The following FBXL18 variants were observed in gnomAD, a reference collection of about 807,000 sequenced individuals.
FBXL18 encodes F-box and leucine rich repeat protein 18, also known as F-box/LRR-repeat protein 18.
FBXL18 carries 36 observed loss-of-function variants against 46.0 expected under a neutral mutation model. That is an observed-to-expected ratio of 0.78 (90% confidence interval 0.60 to 1.03). The LOEUF is 1.03. Among genes scored for constraint, FBXL18 ranks in the 50% least tolerant of loss-of-function variants. FBXL18 has a pLI of 0.00. For synonymous variants in FBXL18, 557 were observed against 465.3 expected (o/e 1.20, Z -2.54); for missense variants, 977 against 1,004.1 (o/e 0.97, Z 0.36).
At chr7:5,456,584 G>A (rs1783177465) in intron 4 of FBXL18, among the ~76,000 whole-genome samples, 1 of 151,164 alleles carries the variant, frequency 6.6e-6, no homozygotes. Context: ...CAGGCAGAGG[G>A]AACAGCTTGT....
intron 4 of FBXL18, among the ~76,000 whole-genome samples, chr7:5,485,443 G>A (rs925185284): frequency 2.0e-5 from 3 of 152,176 alleles, no homozygotes; most frequent in Admixed American, 6.6e-5. Context: ...ACACTCATTG[G>A]CGAGATGTGC....
At chr7:5,513,605 G>T (rs1397551054) in intron 1 of FBXL18, 52 bp downstream of exon 1, 11 of 1,604,678 alleles carry the variant, frequency 6.9e-6, no homozygotes, top group Non-Finnish European at 9.4e-6. Flanking sequence ...AGAACCCAGG[G>T]AGACCGAGGC....
intron 4 of FBXL18, among the ~76,000 whole-genome samples, chr7:5,488,312 C>G (rs556556015): frequency 6.6e-6 from 1 of 152,160 alleles, no homozygotes; most frequent in African/African-American, 2.4e-5. Context: ...CACGTCCAAC[C>G]GACCCGCCTG....
At chr7:5,486,121 G>A (rs183364449) in intron 4 of FBXL18, among the ~76,000 whole-genome samples, 3 of 151,300 alleles carry the variant, frequency 2.0e-5, no homozygotes, top group Admixed American at 1.3e-4. Flanking sequence ...GGGCGTGCTG[G>A]CGCATGCCTG....
intron 1 of FBXL18, among the ~76,000 whole-genome samples, chr7:5,507,489 G>A (rs1347490807): frequency 6.6e-6 from 1 of 152,140 alleles, no homozygotes; most frequent in Non-Finnish European, 1.5e-5. Flanking sequence ...TGAGGCTCAT[G>A]AGGGTCAGAG....
At chr7:5,502,180 T>C (rs1584237320) in intron 2 of FBXL18, 149 bp from the exon 3 acceptor site, 1 of 638,430 alleles carries the variant, frequency 1.6e-6, no homozygotes, top group East Asian at 2.7e-5. Context: ...GCCCGCACTC[T>C]GACCTGGAGC....
downstream of FBXL18, among the ~76,000 whole-genome samples, chr7:5,475,153 T>A (rs1410264012): frequency 2.6e-5 from 4 of 151,252 alleles, no homozygotes; most frequent in Non-Finnish European, 5.9e-5. This position sits in a 1 kb window ranked among gnomAD's most constrained non-coding sequence, Gnocchi z 4.2. Context: ...ACCCCGTCTC[T>A]ACTGAAAATA....
chr7:5,489,138 C>A, intron 4 of FBXL18: 1 of 415,000 alleles, frequency 2.4e-6, no homozygotes, highest in Admixed American at 2.8e-5. Context: ...TGAACCAGGG[C>A]GGACCACGAC....
chr7:5,489,426 G>C (rs1465180530), intron 4 of FBXL18: 4 of 456,142 alleles, frequency 8.8e-6, no homozygotes, highest in African/African-American at 2.0e-5. Flanking sequence ...CCTGAGGTCA[G>C]GAGTTAGAGA....
intron 3 of FBXL18, among the ~76,000 whole-genome samples, chr7:5,495,392 G>A (rs1364634176): frequency 6.6e-6 from 1 of 152,236 alleles, no homozygotes; most frequent in Admixed American, 6.5e-5. Context: ...AGCAGCCCGG[G>A]TGACTCAGGG....
At position 5,490,741 on chromosome 7, in the gene FBXL18, G is replaced by A. The variant is rs561544189; in HGVS notation, c.2000+490C>T. Reference sequence around the variant, plus strand: ...GCACTTTGGGAGGCCGAGGCAGGCGGATCACCTGAGGTCGGGAGTTCGAGA... The same window carrying A: ...GCACTTTGGGAGGCCGAGGCAGGCGAATCACCTGAGGTCGGGAGTTCGAGA... On this transcript the variant is annotated intron_variant, in intron 4 of 4. Coordinates refer to ENST00000382368, the MANE Select transcript of FBXL18 (RefSeq NM_024963.6). Among the ~76,000 whole-genome samples the A allele has an allele frequency of 5.1e-4, 78 of 152,312 alleles. No individual in the cohort carries two copies. In the East Asian group the frequency reaches 9.6e-3, roughly 19 times the overall value.
chr7:5,511,830 C>G (rs759339855), intron 1 of FBXL18, among the ~76,000 whole-genome samples: 3 of 151,240 alleles, frequency 2.0e-5, no homozygotes, highest in Non-Finnish European at 4.4e-5. Context: ...ACCTAGAACC[C>G]TAACCTGGGC....
intron 1 of FBXL18, among the ~76,000 whole-genome samples, chr7:5,512,812 C>T (rs1165056803): frequency 6.6e-6 from 1 of 152,136 alleles, no homozygotes; most frequent in Non-Finnish European, 1.5e-5. Context: ...GCCGCATTCA[C>T]TTCAAATGTA....
At chr7:5,490,493 G>C (rs1032234326) in intron 4 of FBXL18, among the ~76,000 whole-genome samples, 2 of 152,232 alleles carry the variant, frequency 1.3e-5, no homozygotes, top group African/African-American at 4.8e-5. Flanking sequence ...ATGCTAGCTA[G>C]CTAAGGGAAG....
rs1783499867 is a variant in FBXL18, at chr7:5,475,815, C to T, written c.*5960G>A. ...AGCCGCCTGGCTTTCTAAATCAAGT[C>T]CATTTTATTTGAAATTTTCCACATG... On this transcript the variant is annotated 3_prime_UTR_variant, in exon 5 of 5. Transcript: ENST00000382368. This position sits in a 1 kb window ranked among gnomAD's most constrained non-coding sequence, Gnocchi z 4.2. The T allele has an allele frequency of 6.6e-6, 1 of 152,222 alleles. No homozygotes were observed. The highest frequency in any genetic ancestry group is 1.5e-5 in the Non-Finnish European group (1 of 68,052). 9.4% of individuals were successfully genotyped at this position (152,222 alleles called of 1,614,324 possible).
At chr7:5,462,972 ATATAT>A (rs1783276046) in intron 4 of FBXL18, among the ~76,000 whole-genome samples, 1 of 15,580 alleles carries the variant, frequency 6.4e-5, no homozygotes, top group Non-Finnish European at 1.6e-4. Context: ...AAAAAAAAAT[ATATAT>A]ATATATATAT....
intron 3 of FBXL18, among the ~76,000 whole-genome samples, chr7:5,494,767 A>C (rs1784029275): frequency 1.3e-5 from 2 of 152,218 alleles, no homozygotes; most frequent in South Asian, 4.1e-4. Flanking sequence ...GGCGTTGGGC[A>C]AGGACGGTGC....
At chr7:5,483,422 C>A (rs1381947448) in intron 4 of FBXL18, among the ~76,000 whole-genome samples, 1 of 144,006 alleles carries the variant, frequency 6.9e-6, no homozygotes, top group African/African-American at 2.6e-5. Flanking sequence ...GCCTGGGCAA[C>A]AGAGCGAGAC....
At chr7:5,471,518 C>T (rs1485554058), downstream of FBXL18, among the ~76,000 whole-genome samples, 7 of 148,528 alleles carry the variant, frequency 4.7e-5, no homozygotes, top group South Asian at 4.4e-4. Context: ...CCTCGTGATC[C>T]GCCTGCCTCG....
Sources: gnomAD v4.1 joint callset for allele counts (sites outside exome capture counted in the v4.1 genomes callset) on GRCh38, gnomAD v4.1.1 for gene constraint, Gnocchi (gnomAD v3.1) non-coding constraint, MANE v1.5 for transcripts, NCBI Gene and HGNC (gene_info 2026-07-23, HGNC 2026-07-21) for gene names.